The following MEIKIN variants were observed in gnomAD, a reference collection of about 807,000 sequenced individuals.
The protein encoded by MEIKIN is meiotic kinetochore factor, also known as meiosis-specific kinetochore protein.
At chr5:131,841,131 T>C (rs982949262) in intron 11 of MEIKIN, among the ~76,000 whole-genome samples, 2 of 152,304 alleles carry the variant, frequency 1.3e-5, no homozygotes, top group African/African-American at 4.8e-5. Context: ...AGCTCCCAAC[T>C]CCTGAAATGC....
chr5:131,891,823 C>T (rs936622476), intron 8 of MEIKIN, among the ~76,000 whole-genome samples: 15 of 152,194 alleles, frequency 9.9e-5, no homozygotes, highest in African/African-American at 3.4e-4. Context: ...ATGGTCTTTA[C>T]AATTTGGCAT....
intron 11 of MEIKIN, among the ~76,000 whole-genome samples, chr5:131,833,241 A>C (rs1185664284): frequency 6.6e-6 from 1 of 152,180 alleles, no homozygotes; most frequent in Non-Finnish European, 1.5e-5. Context: ...ACGTTCCATA[A>C]ATCTCTAGGG....
chr5:131,907,745 G>A (rs1354493237), intron 8 of MEIKIN, among the ~76,000 whole-genome samples: 1 of 151,800 alleles, frequency 6.6e-6, no homozygotes, highest in African/African-American at 2.4e-5. Flanking sequence ...GGTGGCATGC[G>A]CCTGTAATCC....
At chr5:131,844,319 A>G (rs1749972514) in intron 11 of MEIKIN, among the ~76,000 whole-genome samples, 2 of 152,234 alleles carry the variant, frequency 1.3e-5, no homozygotes, top group Admixed American at 6.5e-5. Context: ...AAAAAAATAT[A>G]TGAAACAACA....
chr5:131,825,514 G>C (rs763343755), intron 11 of MEIKIN, among the ~76,000 whole-genome samples: 3 of 152,206 alleles, frequency 2.0e-5, no homozygotes, highest in African/African-American at 4.8e-5. Flanking sequence ...CAAAGCGGAA[G>C]CTCAGTGAGG....
chr5:131,812,288 T>C (rs540636183), intron 12 of MEIKIN, among the ~76,000 whole-genome samples: 2 of 152,232 alleles, frequency 1.3e-5, no homozygotes, highest in African/African-American at 4.8e-5. Context: ...TGAATGAATA[T>C]ACCATAGTTG....
intron 9 of MEIKIN, among the ~76,000 whole-genome samples, chr5:131,855,219 A>G (rs2149616640): frequency 6.6e-6 from 1 of 152,294 alleles, no homozygotes; most frequent in South Asian, 2.1e-4. Context: ...TTCTTAGTAT[A>G]TTATTGTACT....
intron 5 of MEIKIN, among the ~76,000 whole-genome samples, chr5:131,926,129 G>A (rs1751582905): frequency 1.3e-5 from 2 of 152,266 alleles, no homozygotes; most frequent in Admixed American, 1.3e-4. Context: ...GATCTTAGAG[G>A]AAAAGCTTTC....
chr5:131,874,086 T>C (rs999830146), intron 9 of MEIKIN, among the ~76,000 whole-genome samples: 2 of 152,072 alleles, frequency 1.3e-5, no homozygotes, highest in African/African-American at 4.8e-5. Flanking sequence ...TTAAAATAAC[T>C]AGAAAAGCCA....
chr5:131,897,225 G>A (rs1304123884), intron 8 of MEIKIN, among the ~76,000 whole-genome samples: 1 of 152,178 alleles, frequency 6.6e-6, no homozygotes, highest in Non-Finnish European at 1.5e-5. Flanking sequence ...CTCTCTTCTG[G>A]CTTGTAGAGT....
chr5:131,892,388 A>G (rs1580893849), intron 8 of MEIKIN, among the ~76,000 whole-genome samples: 2 of 152,090 alleles, frequency 1.3e-5, no homozygotes, highest in Admixed American at 1.3e-4. Flanking sequence ...ACATAGTCCC[A>G]TATTTCTTGG....
chr5:131,859,827 T>C (rs1294211792), intron 9 of MEIKIN, among the ~76,000 whole-genome samples: 3 of 152,200 alleles, frequency 2.0e-5, no homozygotes, highest in East Asian at 3.8e-4. Context: ...CCCCCGTGTA[T>C]GTTCTTGATG....
chr5:131,893,876 T>A (rs1233342735), intron 8 of MEIKIN, among the ~76,000 whole-genome samples: 22 of 152,228 alleles, frequency 1.4e-4, no homozygotes, highest in Admixed American at 1.4e-3. Context: ...GTAGTTTATT[T>A]TGCTGTGCAG....
chr5:131,918,054 G>A (rs954760211), intron 6 of MEIKIN, among the ~76,000 whole-genome samples: 8 of 152,186 alleles, frequency 5.3e-5, no homozygotes, highest in African/African-American at 1.7e-4. Flanking sequence ...AAGCCCATGT[G>A]TAAGGTCCAG....
chr5:131,913,463 A>G (rs1416652192), intron 7 of MEIKIN, among the ~76,000 whole-genome samples: 1 of 152,192 alleles, frequency 6.6e-6, no homozygotes, highest in African/African-American at 2.4e-5. Flanking sequence ...TCCCAGTGAC[A>G]TATGTTGAAC....
intron 7 of MEIKIN, among the ~76,000 whole-genome samples, chr5:131,913,088 G>C (rs1236023700): frequency 6.6e-6 from 1 of 152,196 alleles, no homozygotes; most frequent in East Asian, 1.9e-4. Flanking sequence ...TTTTAAACTT[G>C]AAGTATTCTG....
At chr5:131,841,603 G>T (rs1395593550) in intron 11 of MEIKIN, among the ~76,000 whole-genome samples, 3 of 152,116 alleles carry the variant, frequency 2.0e-5, no homozygotes, top group Non-Finnish European at 4.4e-5. Context: ...TGAATTTTAG[G>T]ATTGTTTTTT....
intron 4 of MEIKIN, among the ~76,000 whole-genome samples, chr5:131,938,567 T>C (rs1208555327): frequency 6.6e-6 from 1 of 152,248 alleles, no homozygotes; most frequent in Non-Finnish European, 1.5e-5. Context: ...TTCTCTTTCA[T>C]GTTTGTTCAA....
At chr5:131,907,159 C>T (rs1409034168) in intron 8 of MEIKIN, among the ~76,000 whole-genome samples, 1 of 151,896 alleles carries the variant, frequency 6.6e-6, no homozygotes, top group African/African-American at 2.4e-5. Context: ...GGAAATACAA[C>T]ATACCAAAAC....
Sources: allele counts gnomAD v4.1 joint callset (sites outside exome capture counted in the v4.1 genomes callset), GRCh38; gene constraint gnomAD v4.1.1; transcripts MANE v1.5; gene names NCBI Gene and HGNC (gene_info 2026-07-23, HGNC 2026-07-21).